Variants in PPP2R5A observed in about 807,000 individuals in gnomAD.
The protein encoded by PPP2R5A is protein phosphatase 2 regulatory subunit B'alpha, also known as serine/threonine-protein phosphatase 2A 56 kDa regulatory subunit alpha isoform.
Under a neutral mutation model 64.2 loss-of-function variants are expected in PPP2R5A, and 25 were observed. The ratio of observed to expected loss-of-function variants is 0.39; its 90% CI spans 0.28 to 0.54. The LOEUF (loss-of-function observed/expected upper bound fraction) is 0.54. Ranked by LOEUF, PPP2R5A falls within the 20% of genes least tolerant of loss-of-function variation. PPP2R5A has a pLI of 0.67. For synonymous variants in PPP2R5A, 198 were observed against 201.2 expected (o/e 0.98, Z 0.13); for missense variants, 425 against 576.3 (o/e 0.74, Z 2.69).
At chr1:212,333,397 A>C in intron 2 of PPP2R5A, 100 bp from the exon 3 acceptor site, 1 of 687,450 alleles carries the variant, frequency 1.5e-6, no homozygotes, top group Non-Finnish European at 2.2e-6. Context: ...GCTTACAGCT[A>C]TAACTTTTTT....
At chr1:212,337,151 G>C (rs922909207) in intron 3 of PPP2R5A, among the ~76,000 whole-genome samples, 1 of 152,162 alleles carries the variant, frequency 6.6e-6, no homozygotes, top group African/African-American at 2.4e-5. Context: ...AATTTATTAA[G>C]TGTAGTATTA....
chr1:212,286,152 C>T lies in PPP2R5A; in HGVS notation c.42C>T (p.Ala14=). Residue 14 remains alanine, a synonymous_variant, in exon 1 of 13, where the codon GCC becomes GCT. Coordinates refer to ENST00000261461, the MANE Select transcript of PPP2R5A (RefSeq NM_006243.4). ...CGCCGGCGGGGGCTGCCAGCGCCGCCATCTCGGCCTCGGAGAAAGTGGACG... is the reference window on the plus strand; with the variant it reads ...CGCCGGCGGGGGCTGCCAGCGCCGCTATCTCGGCCTCGGAGAAAGTGGACG... ...SSPPAGAASA[A]ISASEKVDGF... is the part of the protein sequence containing the mutation. 6.3e-7 allele frequency: 1 copy of T among 1,588,746 alleles called. No individual in the cohort carries two copies. Among genetic ancestry groups the T allele is most frequent in the Non-Finnish European group, 8.6e-7 (1 of 1,169,562 alleles).
intron 1 of PPP2R5A, among the ~76,000 whole-genome samples, chr1:212,325,682 G>A (rs1324815018): frequency 1.3e-5 from 2 of 151,838 alleles, no homozygotes; most frequent in Non-Finnish European, 2.9e-5. Flanking sequence ...ATAAAATAAA[G>A]CCATATATTA....
In PPP2R5A at chr1:212,360,912, G is replaced by T; in HGVS notation, c.*142G>T. On this transcript the variant is annotated 3_prime_UTR_variant, in exon 13 of 13. Transcript: ENST00000261461. ...GGCAACTGTAAATGGAAAAATATAT[G>T]GACTAAACGTAGCCCTGTGCTGTAT... 1 of 688,490 alleles carries T rather than the reference G, an allele frequency of 1.5e-6. No homozygotes were observed. The allele number at this position is 688,490 out of a possible 1,614,324, so 42.6% of individuals were successfully genotyped here.
chr1:212,294,116 A>AT (rs966675590), intron 1 of PPP2R5A, among the ~76,000 whole-genome samples: 10 of 152,026 alleles, frequency 6.6e-5, no homozygotes, highest in South Asian at 2.1e-4. Context: ...AAAATTGTAT[A>AT]TTTTTTTTCA....
At chr1:212,334,989 TTC>T (rs1659565952) in intron 3 of PPP2R5A, among the ~76,000 whole-genome samples, 1 of 152,168 alleles carries the variant, frequency 6.6e-6, no homozygotes, top group African/African-American at 2.4e-5. Flanking sequence ...CCTGCCCTTT[TTC>T]TCTCATCTTC....
chr1:212,311,037 A>G (rs1350106404), intron 1 of PPP2R5A, among the ~76,000 whole-genome samples: 1 of 152,190 alleles, frequency 6.6e-6, no homozygotes, highest in Non-Finnish European at 1.5e-5. Flanking sequence ...CGTGGTATAT[A>G]GGATGGTGGT....
chr1:212,356,182 T>C (rs1659974584), intron 8 of PPP2R5A, among the ~76,000 whole-genome samples: 1 of 152,178 alleles, frequency 6.6e-6, no homozygotes, highest in African/African-American at 2.4e-5. Context: ...TGTTTCATAA[T>C]GGTTTAAATA....
chr1:212,311,535 T>C (rs1384097876), intron 1 of PPP2R5A, among the ~76,000 whole-genome samples: 2 of 152,150 alleles, frequency 1.3e-5, no homozygotes, highest in South Asian at 4.1e-4. Context: ...TAAATGTTAC[T>C]GGCTTATGTA....
intron 1 of PPP2R5A, among the ~76,000 whole-genome samples, chr1:212,314,352 CAAAG>C (rs762365810): frequency 3.7e-4 from 56 of 152,176 alleles, no homozygotes; most frequent in Non-Finnish European, 5.3e-4. Flanking sequence ...ATCCCTGACA[CAAAG>C]AAATTGAGAA....
At chr1:212,318,504 T>C (rs2102424591) in intron 1 of PPP2R5A, among the ~76,000 whole-genome samples, 1 of 152,372 alleles carries the variant, frequency 6.6e-6, no homozygotes, top group Middle Eastern at 3.4e-3. Flanking sequence ...GGTTATTACA[T>C]ATATTAAGTG....
At chr1:212,289,972 C>G (rs1010330931) in intron 1 of PPP2R5A, among the ~76,000 whole-genome samples, 2 of 152,038 alleles carry the variant, frequency 1.3e-5, no homozygotes, top group African/African-American at 4.8e-5. Flanking sequence ...TTTTACCAAG[C>G]GAAGAAATCA....
At chr1:212,305,533 T>C (rs1428351916) in intron 1 of PPP2R5A, among the ~76,000 whole-genome samples, 1 of 152,100 alleles carries the variant, frequency 6.6e-6, no homozygotes, top group East Asian at 1.9e-4. Flanking sequence ...GTATAAATTC[T>C]GTAGTGTTCC....
At chr1:212,314,739 T>C (rs1659112985) in intron 1 of PPP2R5A, among the ~76,000 whole-genome samples, 1 of 151,804 alleles carries the variant, frequency 6.6e-6, no homozygotes, top group South Asian at 2.1e-4. Context: ...TTTTTTTGTA[T>C]TTTAGTAGAG....
chr1:212,349,053 C>T (rs1183254542), intron 7 of PPP2R5A, 136 bp from the exon 8 acceptor site: 1 of 468,098 alleles, frequency 2.1e-6, no homozygotes, highest in African/African-American at 2.0e-5. Context: ...ATTTCATTCA[C>T]AGTTGTGAGT....
intron 1 of PPP2R5A, among the ~76,000 whole-genome samples, chr1:212,325,862 C>T (rs1462970823): frequency 1.3e-5 from 2 of 152,120 alleles, no homozygotes; most frequent in Non-Finnish European, 2.9e-5. Flanking sequence ...AGGTGTCCAT[C>T]TTCTAATTTT....
At chr1:212,307,862 C>G (rs114999634) in intron 1 of PPP2R5A, among the ~76,000 whole-genome samples, 1 of 152,046 alleles carries the variant, frequency 6.6e-6, no homozygotes, top group Non-Finnish European at 1.5e-5. Context: ...AAATACTTCT[C>G]GAGATACGGT....
intron 3 of PPP2R5A, among the ~76,000 whole-genome samples, chr1:212,340,140 A>T (rs541670715): frequency 1.3e-4 from 20 of 151,980 alleles, no homozygotes; most frequent in Admixed American, 5.2e-4. Context: ...AAAATAAATA[A>T]ATATATATAT....
intron 7 of PPP2R5A, among the ~76,000 whole-genome samples, chr1:212,348,758 CTT>C (rs530030147): frequency 8.1e-4 from 124 of 152,292 alleles, no homozygotes; most frequent in Non-Finnish European, 1.6e-3. Flanking sequence ...AATTATGTGA[CTT>C]TGAATAAATC....
Sources: allele counts gnomAD v4.1 joint callset (sites outside exome capture counted in the v4.1 genomes callset), GRCh38; gene constraint gnomAD v4.1.1; transcripts MANE v1.5; gene names NCBI Gene and HGNC (gene_info 2026-07-23, HGNC 2026-07-21).